KLF12: variants seen among roughly 807,000 people sequenced by gnomAD.
KLF12 encodes the protein Krueppel-like factor 12.
KLF12 carries 9 observed loss-of-function variants against 37.8 expected under a neutral mutation model. That is an observed-to-expected ratio of 0.24 (90% CI 0.14 to 0.42). KLF12 has a LOEUF of 0.42. Among genes scored for constraint, KLF12 ranks in the 10% least tolerant of loss-of-function variants. The pLI, the probability that KLF12 is intolerant of heterozygous loss-of-function variation, is 1.00. For missense variants in KLF12, 411 were observed against 516.0 expected (o/e 0.80, Z 1.97); for synonymous variants, 208 against 202.1 (o/e 1.03, Z -0.25).
At chr13:74,024,983 A>C (rs1351550315) in intron 1 of KLF12, among the ~76,000 whole-genome samples, 1 of 152,178 alleles carries the variant, frequency 6.6e-6, no homozygotes, top group Non-Finnish European at 1.5e-5. Context: ...CTCCCTTTAT[A>C]ACCAGCTCAG....
At chr13:74,093,042 A>AGT (rs1310751090) in intron 1 of KLF12, among the ~76,000 whole-genome samples, 1 of 152,246 alleles carries the variant, frequency 6.6e-6, no homozygotes, top group Non-Finnish European at 1.5e-5. Context: ...AGAGAGACAG[A>AGT]AAGAAACTGG....
At chr13:74,079,509 TAAC>T (rs1874757333) in intron 1 of KLF12, among the ~76,000 whole-genome samples, 2 of 152,200 alleles carry the variant, frequency 1.3e-5, no homozygotes, top group African/African-American at 4.8e-5. Context: ...CAACCCAACT[TAAC>T]AAGATAACTT....
At chr13:73,942,634 A>G (rs1890238671) in intron 3 of KLF12, among the ~76,000 whole-genome samples, 1 of 152,200 alleles carries the variant, frequency 6.6e-6, no homozygotes. Flanking sequence ...ATACTGAACC[A>G]ATGTTAGTAA....
At chr13:73,753,330 AC>A (rs1300188516) in intron 6 of KLF12, among the ~76,000 whole-genome samples, 1 of 152,050 alleles carries the variant, frequency 6.6e-6, no homozygotes, top group Non-Finnish European at 1.5e-5. Context: ...CCAGACCCTC[AC>A]CCAGATGGTT....
chr13:73,985,584 G>C (rs1891806768), intron 2 of KLF12, among the ~76,000 whole-genome samples: 1 of 152,060 alleles, frequency 6.6e-6, no homozygotes, highest in African/African-American at 2.4e-5. Flanking sequence ...TTACAGTCCT[G>C]GCTCTAACGA....
intron 1 of KLF12, among the ~76,000 whole-genome samples, chr13:74,007,060 T>C (rs1037570912): frequency 2.6e-5 from 4 of 152,126 alleles, no homozygotes; most frequent in African/African-American, 9.7e-5. Context: ...GGGTTCCATC[T>C]CTGCCTGCAG....
At chr13:73,849,662 G>GT (rs1885225623) in intron 3 of KLF12, among the ~76,000 whole-genome samples, 1 of 152,104 alleles carries the variant, frequency 6.6e-6, no homozygotes, top group Non-Finnish European at 1.5e-5. Context: ...AAGAAAGGTC[G>GT]TAAGTTTTAA....
At chr13:73,746,810 CTT>C (rs776746904) in intron 6 of KLF12, among the ~76,000 whole-genome samples, 2 of 119,852 alleles carry the variant, frequency 1.7e-5, no homozygotes, top group African/African-American at 3.3e-5. Context: ...TCCCTCCCTC[CTT>C]TTTTTTTTTT....
intron 1 of KLF12, among the ~76,000 whole-genome samples, chr13:74,092,651 A>AAAAAAG (rs1231358545): frequency 6.6e-6 from 1 of 151,946 alleles, no homozygotes; most frequent in Non-Finnish European, 1.5e-5. Flanking sequence ...CAAAAAAAAG[A>AAAAAAG]AAAAAGAAAA....
At chr13:73,921,232 C>G (rs1273906902) in intron 3 of KLF12, among the ~76,000 whole-genome samples, 2 of 152,014 alleles carry the variant, frequency 1.3e-5, no homozygotes, top group Non-Finnish European at 2.9e-5. Context: ...GGTGTGATTC[C>G]TGTGTACTGA....
chr13:74,031,097 C>T (rs1893100311), intron 1 of KLF12, among the ~76,000 whole-genome samples: 1 of 152,118 alleles, frequency 6.6e-6, no homozygotes, highest in South Asian at 2.1e-4. Flanking sequence ...GATTCACAGA[C>T]TCAGCCATTT....
chr13:74,072,403 AT>A (rs1874319156), intron 1 of KLF12, among the ~76,000 whole-genome samples: 5 of 133,230 alleles, frequency 3.8e-5, no homozygotes, highest in Non-Finnish European at 6.5e-5. Flanking sequence ...ATATATATAT[AT>A]ATAAAAGATT....
At chr13:74,176,888 G>A in the KLF12 span, among the ~76,000 whole-genome samples, 1 of 152,098 alleles carries the variant, frequency 6.6e-6, no homozygotes, top group Admixed American at 6.6e-5. Flanking sequence ...TATGTTAGGT[G>A]CTTAATAAAT....
At chr13:73,898,579 G>GA (rs1267307844) in intron 3 of KLF12, among the ~76,000 whole-genome samples, 1 of 152,116 alleles carries the variant, frequency 6.6e-6, no homozygotes, top group Admixed American at 6.5e-5. Context: ...AAACTGGAGA[G>GA]AAAAAAGAGT....
At chr13:73,736,052 C>T (rs1451172776) in intron 6 of KLF12, among the ~76,000 whole-genome samples, 1 of 151,938 alleles carries the variant, frequency 6.6e-6, no homozygotes, top group Admixed American at 6.6e-5. Context: ...GCTCCTCTCT[C>T]ACCTATGCTA....
At chr13:74,143,400 T>C in the KLF12 span, among the ~76,000 whole-genome samples, 1 of 67,428 alleles carries the variant, frequency 1.5e-5, no homozygotes, top group Non-Finnish European at 3.3e-5. Flanking sequence ...AATGTTACTG[T>C]AGAGCAAATG....
chr13:74,040,509 T>C (rs2138535024), intron 1 of KLF12, among the ~76,000 whole-genome samples: 1 of 152,200 alleles, frequency 6.6e-6, no homozygotes, highest in Middle Eastern at 3.4e-3. Context: ...GTTTCAGGAA[T>C]GAAAAAGACT....
At chr13:74,298,290 G>A in the KLF12 span, among the ~76,000 whole-genome samples, 5 of 152,184 alleles carry the variant, frequency 3.3e-5, no homozygotes, top group African/African-American at 4.8e-5. Flanking sequence ...TTGTGTGTCA[G>A]GGAGAAGAAA....
At chr13:74,014,971 T>C (rs1019433192) in intron 1 of KLF12, among the ~76,000 whole-genome samples, 33 of 152,314 alleles carry the variant, frequency 2.2e-4, no homozygotes, top group Non-Finnish European at 4.4e-4. Context: ...AATCCAAGGA[T>C]TGTGAATCCA....
Sources: allele counts gnomAD v4.1 joint callset (sites outside exome capture counted in the v4.1 genomes callset), GRCh38; gene constraint gnomAD v4.1.1; transcripts MANE v1.5; gene names NCBI Gene and HGNC (gene_info 2026-07-23, HGNC 2026-07-21).